The following NID2 variants were observed in gnomAD, a reference collection of about 807,000 sequenced individuals.
The protein encoded by NID2 is nidogen-2.
A neutral mutation model predicts 145.4 loss-of-function variants in NID2; 83 were observed. That is an observed-to-expected ratio of 0.57 (90% confidence interval 0.48 to 0.69). The LOEUF (loss-of-function observed/expected upper bound fraction) is 0.69. Among genes scored for constraint, NID2 ranks in the 30% least tolerant of loss-of-function variants. The pLI, the probability that NID2 is intolerant of heterozygous loss-of-function variation, is 0.00. For missense variants in NID2, 1,807 were observed against 1,765.7 expected (o/e 1.02, Z -0.42); for synonymous variants, 739 against 701.3 (o/e 1.05, Z -0.85).
chr14:52,053,961 A>G, intron 4 of NID2, 23 bp from the exon 5 acceptor site: 2 of 1,612,146 alleles, frequency 1.2e-6, no homozygotes, highest in Non-Finnish European at 8.5e-7. Flanking sequence ...AGAATGGCCA[A>G]TAAGTAGGTG....
rs764065847 is a variant in NID2, at chr14:52,027,352, G to GAGA, written c.2531-11_2531-9dup. On this transcript the variant is annotated splice_polypyrimidine_tract_variant and intron_variant, in intron 11 of 21. Coordinates refer to ENST00000216286, the MANE Select transcript of NID2 (RefSeq NM_007361.4). ...TGGCAGGTGGGGTGATCACTGAAAA[G>GAGA]AGAAGAAGATAAGGGCATCCAGAGT... The GAGA allele has an allele frequency of 4.5e-6, 7 of 1,539,490 alleles. No individual in the cohort carries two copies. The highest frequency in any genetic ancestry group is 2.0e-5 in the Admixed American group (1 of 48,850).
chr14:52,032,968 A>C (rs570832213), intron 9 of NID2, among the ~76,000 whole-genome samples: 1 of 152,332 alleles, frequency 6.6e-6, no homozygotes, highest in South Asian at 2.1e-4. Context: ...GTGCAAAATG[A>C]AAATGTGGAG....
At chr14:52,028,327 T>C (rs1312958085) in intron 11 of NID2, among the ~76,000 whole-genome samples, 1 of 151,816 alleles carries the variant, frequency 6.6e-6, no homozygotes, top group Non-Finnish European at 1.5e-5. Flanking sequence ...TAGGCTGGAA[T>C]GCACTAGCAT....
At chr14:52,029,166 G>A (rs757175360) in intron 10 of NID2, among the ~76,000 whole-genome samples, 20 of 152,078 alleles carry the variant, frequency 1.3e-4, no homozygotes, top group South Asian at 8.3e-4. Flanking sequence ...AATTTCTACC[G>A]TTGCCTTTTG....
rs763057100 is a variant in NID2 at position 52,060,158 on chromosome 14, T to G, written c.733A>C (p.Thr245Pro). The G allele has an allele frequency of 6.2e-7, 1 of 1,613,794 alleles. No homozygotes were observed. The highest frequency in any genetic ancestry group is 8.5e-7 in the Non-Finnish European group (1 of 1,179,794). The change falls in exon 3 of 22, where the codon ACT becomes CCT. Residue 245 changes from threonine to proline, a missense_variant. Thr to Pro is a conservative substitution (Grantham distance 38). Coordinates refer to ENST00000216286, the MANE Select transcript of NID2 (RefSeq NM_007361.4). ...TTTTTCACAGACTGTTCAGTGCTAG[T>G]CAAGCTGAAATATGGTCCTTCTGAC... The part of the protein sequence containing the change: ...LKSEGPYFSL[T>P]STEQSVKNLY...
intron 7 of NID2, 46 bp from the exon 8 acceptor site, chr14:52,040,897 T>C (rs758118289): frequency 4.4e-6 from 7 of 1,573,894 alleles, no homozygotes; most frequent in Non-Finnish European, 5.2e-6. Context: ...GAGGTCTTGC[T>C]TAAACAGTTA....
chr14:52,034,869 G>T (rs1174912110), intron 9 of NID2, among the ~76,000 whole-genome samples: 2 of 152,224 alleles, frequency 1.3e-5, no homozygotes, highest in East Asian at 3.9e-4. Flanking sequence ...GAATTAAAAT[G>T]TCCCCTTGAT....
intron 7 of NID2, 58 bp from the exon 8 acceptor site, chr14:52,040,909 C>CA (rs1482024496): frequency 1.6e-5 from 24 of 1,491,380 alleles, no homozygotes; most frequent in Non-Finnish European, 2.2e-5. Context: ...AAACAGTTAC[C>CA]AGTATATACT....
At chr14:52,005,878 G>A in intron 20 of NID2, 29 bp from the exon 21 acceptor site, 1 of 1,507,078 alleles carries the variant, frequency 6.6e-7, no homozygotes, top group Middle Eastern at 1.7e-4. Context: ...AGTGAATTCA[G>A]GGACAGTCAT....
intron 9 of NID2, among the ~76,000 whole-genome samples, chr14:52,037,950 G>C (rs1892134901): frequency 6.6e-6 from 1 of 152,188 alleles, no homozygotes; most frequent in Admixed American, 6.5e-5. Context: ...TTGGTGTACT[G>C]ATCTTGCATA....
intron 16 of NID2, chr14:52,014,055 G>T (rs1308665346): frequency 6.8e-6 from 4 of 586,210 alleles, no homozygotes; most frequent in Admixed American, 2.9e-5. Flanking sequence ...CATATTATCT[G>T]AAACTCCATG....
At chr14:52,035,370 T>C (rs1344679583) in intron 9 of NID2, among the ~76,000 whole-genome samples, 2 of 152,250 alleles carry the variant, frequency 1.3e-5, no homozygotes, top group Non-Finnish European at 2.9e-5. Context: ...TGATTCTGTA[T>C]GTAGCCTTTT....
chr14:52,028,605 C>G, intron 11 of NID2, 117 bp downstream of exon 11: 1 of 1,206,320 alleles, frequency 8.3e-7, no homozygotes, highest in Non-Finnish European at 1.1e-6. Context: ...AAACTGTCTT[C>G]TTAAGAAAAC....
At chr14:52,032,462 G>A (rs1169601552) in intron 9 of NID2, among the ~76,000 whole-genome samples, 1 of 152,188 alleles carries the variant, frequency 6.6e-6, no homozygotes, top group Non-Finnish European at 1.5e-5. Flanking sequence ...CACTGGGGTT[G>A]TGGTTGCCGA....
chr14:52,049,573 C>G (rs1595046265), intron 5 of NID2, among the ~76,000 whole-genome samples: 1 of 70,998 alleles, frequency 1.4e-5, no homozygotes, highest in Non-Finnish European at 2.8e-5. Flanking sequence ...TTACTGCTAC[C>G]TCAAAAAAAA....
At chr14:52,043,080 A>G (rs1892345872) in intron 5 of NID2, 149 bp from the exon 6 acceptor site, 2 of 735,768 alleles carry the variant, frequency 2.7e-6, no homozygotes, top group Non-Finnish European at 4.4e-6. Flanking sequence ...ATTCAACCCA[A>G]GGGAATTAAT....
intron 12 of NID2, among the ~76,000 whole-genome samples, chr14:52,026,236 G>A (rs183823562): frequency 3.5e-4 from 54 of 152,340 alleles, no homozygotes; most frequent in Admixed American, 3.3e-3. Flanking sequence ...AGGGAGGCCC[G>A]TGCTATTCGG....
rs1891692964 is a variant in NID2 at position 52,028,802 on chromosome 14, A to AC, written c.2449dup (p.Val817GlyfsTer12). The AC allele has an allele frequency of 1.9e-6, 3 of 1,613,990 alleles. No individual in the cohort carries two copies. The African/African-American group carries it at 4.0e-5, about 22-fold the overall frequency. On this transcript the variant is annotated frameshift_variant, in exon 11 of 22. Transcript: ENST00000216286. LOFTEE classifies it high-confidence loss of function. ...GTAGCTTCCAGGCAAGTTGATACAT[A>AC]CAGAGTTGGGGCCACAGCGATGAAA...
intron 11 of NID2, 30 bp from the exon 12 acceptor site, chr14:52,027,374 G>C (rs28663441): frequency 0.073 from 109,757 of 1,494,088 alleles, 4,501 homozygotes; most frequent in Middle Eastern, 0.13. Flanking sequence ...AGGGCATCCA[G>C]AGTTTAGGCC....
Sources: allele counts gnomAD v4.1 joint callset (sites outside exome capture counted in the v4.1 genomes callset), GRCh38; gene constraint gnomAD v4.1.1; transcripts MANE v1.5; gene names NCBI Gene and HGNC (gene_info 2026-07-23, HGNC 2026-07-21).